Variants in PPARGC1A observed in about 807,000 individuals in gnomAD.
The protein encoded by PPARGC1A is peroxisome proliferator-activated receptor gamma coactivator 1-alpha.
Under a neutral mutation model 88.7 loss-of-function variants are expected in PPARGC1A, and 25 were observed. That is an observed-to-expected ratio of 0.28 (90% CI 0.21 to 0.39). The LOEUF (loss-of-function observed/expected upper bound fraction) is 0.39, where lower values mean the gene tolerates loss of function less well. Among genes scored for constraint, PPARGC1A ranks in the 10% least tolerant of loss-of-function variants. PPARGC1A has a pLI of 1.00. For synonymous variants in PPARGC1A, 363 were observed against 355.6 expected (o/e 1.02, Z -0.24); for missense variants, 880 against 968.7 (o/e 0.91, Z 1.22).
At chr4:24,189,854 C>T in the PPARGC1A span, among the ~76,000 whole-genome samples, 1 of 152,268 alleles carries the variant, frequency 6.6e-6, no homozygotes, top group South Asian at 2.1e-4. Flanking sequence ...GAGCTCCCCA[C>T]CAAAGAATTC....
At chr4:23,928,428 T>G in the PPARGC1A span, among the ~76,000 whole-genome samples, 1 of 152,100 alleles carries the variant, frequency 6.6e-6, no homozygotes, top group East Asian at 1.9e-4. Flanking sequence ...GTAGTGATTG[T>G]TATTAAAAAG....
chr4:24,458,384 C>T, the PPARGC1A span, among the ~76,000 whole-genome samples: 1 of 152,086 alleles, frequency 6.6e-6, no homozygotes, highest in African/African-American at 2.4e-5. Flanking sequence ...GCCTGTAGTC[C>T]CAGCTACTTG....
the PPARGC1A span, among the ~76,000 whole-genome samples, chr4:24,076,134 G>T: frequency 6.6e-6 from 1 of 152,136 alleles, no homozygotes; most frequent in Non-Finnish European, 1.5e-5. Context: ...TTCCAGTGCT[G>T]CCGCAATCCT....
the PPARGC1A span, among the ~76,000 whole-genome samples, chr4:24,412,036 C>T: frequency 1.8e-4 from 28 of 152,220 alleles, no homozygotes; most frequent in South Asian, 5.6e-3. Context: ...TATCAAGGAG[C>T]GTGATTGCTG....
At chr4:24,328,367 C>T in the PPARGC1A span, among the ~76,000 whole-genome samples, 19 of 151,994 alleles carry the variant, frequency 1.3e-4, no homozygotes, top group African/African-American at 3.9e-4. Context: ...TGTCTTCTAC[C>T]ACAGACCTTA....
chr4:24,400,180 G>A, the PPARGC1A span, among the ~76,000 whole-genome samples: 1 of 152,170 alleles, frequency 6.6e-6, no homozygotes, highest in Non-Finnish European at 1.5e-5. Context: ...CAACTTGATT[G>A]GATTGGGGGA....
the PPARGC1A span, among the ~76,000 whole-genome samples, chr4:24,100,028 G>A: frequency 2.0e-5 from 3 of 151,644 alleles, no homozygotes; most frequent in South Asian, 4.2e-4. Flanking sequence ...TGTAAATGAT[G>A]AGTTAATGGG....
chr4:24,050,286 C>CAGCCT, the PPARGC1A span, among the ~76,000 whole-genome samples: 3 of 150,694 alleles, frequency 2.0e-5, no homozygotes, highest in African/African-American at 7.4e-5. Context: ...ACCTCTGCCT[C>CAGCCT]CCAGGTTCAA....
chr4:24,110,843 G>A, the PPARGC1A span, among the ~76,000 whole-genome samples: 1 of 151,994 alleles, frequency 6.6e-6, no homozygotes, highest in Admixed American at 6.6e-5. Context: ...AGCTGAAAAA[G>A]GCTCAGAAAT....
the PPARGC1A span, among the ~76,000 whole-genome samples, chr4:23,956,751 T>A: frequency 6.6e-6 from 1 of 152,108 alleles, no homozygotes; most frequent in Non-Finnish European, 1.5e-5. Flanking sequence ...AGTGGTCCAA[T>A]GCACACATAA....
the PPARGC1A span, among the ~76,000 whole-genome samples, chr4:24,276,009 C>T: frequency 0.26 from 39,815 of 152,072 alleles, 5,967 homozygotes; most frequent in Non-Finnish European, 0.34. Context: ...TGCAAAGCTA[C>T]GGAAAGCATA....
the PPARGC1A span, among the ~76,000 whole-genome samples, chr4:24,295,939 A>G: frequency 1.3e-5 from 2 of 150,620 alleles, no homozygotes; most frequent in South Asian, 4.2e-4. Context: ...CATCTCTGAG[A>G]TGCCGGTATT....
the PPARGC1A span, among the ~76,000 whole-genome samples, chr4:24,089,709 T>A: frequency 6.6e-6 from 1 of 152,142 alleles, no homozygotes; most frequent in Admixed American, 6.5e-5. Flanking sequence ...AGACGGGGTT[T>A]CACCGTGTTA....
the PPARGC1A span, among the ~76,000 whole-genome samples, chr4:24,398,092 T>C: frequency 6.6e-6 from 1 of 152,328 alleles, no homozygotes; most frequent in Admixed American, 6.5e-5. Context: ...TTGTTTATAA[T>C]AGCAAATAAA....
chr4:24,015,491 C>G, the PPARGC1A span, among the ~76,000 whole-genome samples: 1 of 152,074 alleles, frequency 6.6e-6, no homozygotes, highest in South Asian at 2.1e-4. Flanking sequence ...ATTTTTGCAG[C>G]AACAATGAAG....
At chr4:23,947,347 A>G in the PPARGC1A span, among the ~76,000 whole-genome samples, 1 of 131,450 alleles carries the variant, frequency 7.6e-6, no homozygotes, top group Admixed American at 7.8e-5. Context: ...TCATTGTTAT[A>G]TAGTGATATA....
intron 10 of PPARGC1A, among the ~76,000 whole-genome samples, chr4:23,811,427 A>G (rs1720877039): frequency 6.6e-6 from 1 of 152,254 alleles, no homozygotes; most frequent in South Asian, 2.1e-4. Context: ...CACAGGGAGC[A>G]GCTGCACTGA....
At chr4:24,328,205 G>A in the PPARGC1A span, among the ~76,000 whole-genome samples, 441 of 151,700 alleles carry the variant, frequency 2.9e-3, 11 homozygotes, top group East Asian at 0.055. Flanking sequence ...ACACGGACGC[G>A]CATGAAACTG....
chr4:23,857,146 T>A (rs1347067706), intron 2 of PPARGC1A, among the ~76,000 whole-genome samples: 1 of 151,656 alleles, frequency 6.6e-6, no homozygotes, highest in Non-Finnish European at 1.5e-5. Context: ...ATGTAACAGG[T>A]CTCTCCATAT....
Sources: allele counts gnomAD v4.1 joint callset (sites outside exome capture counted in the v4.1 genomes callset), GRCh38; gene constraint gnomAD v4.1.1; transcripts MANE v1.5; gene names NCBI Gene and HGNC (gene_info 2026-07-23, HGNC 2026-07-21).